Variants in ATP8B4 observed in about 807,000 individuals in gnomAD.
ATP8B4 encodes the protein ATPase phospholipid transporting 8B4 (putative), also known as probable phospholipid-transporting ATPase IM.
ATP8B4 carries 133 observed loss-of-function variants against 145.6 expected under a neutral mutation model. The observed-to-expected ratio is 0.91, with a 90% CI of 0.79 to 1.05. The LOEUF (loss-of-function observed/expected upper bound fraction) is 1.05, where lower values mean the gene tolerates loss of function less well. ATP8B4 is among the 50% of genes least tolerant of loss of function. The pLI is 0.00. For synonymous variants in ATP8B4, 507 were observed against 492.9 expected, an observed-to-expected ratio of 1.03 and a Z score of -0.38; for missense variants, 1,458 against 1,425.2, an observed-to-expected ratio of 1.02 and a Z score of -0.37.
intron 3 of ATP8B4, among the ~76,000 whole-genome samples, chr15:50,053,957 T>C (rs2052384723): frequency 6.6e-6 from 1 of 152,210 alleles, no homozygotes; most frequent in South Asian, 2.1e-4. Context: ...ATTTTTCCAC[T>C]GGCAAAATGG....
chr15:50,122,610 G>A (rs1044440080), upstream of ATP8B4, among the ~76,000 whole-genome samples: 1 of 152,164 alleles, frequency 6.6e-6, no homozygotes, highest in Non-Finnish European at 1.5e-5. Flanking sequence ...AGTCCTTGGT[G>A]TCAGCCTAAA....
chr15:49,876,842 C>T (rs1426097427), intron 24 of ATP8B4: 1 of 441,166 alleles, frequency 2.3e-6, no homozygotes. Flanking sequence ...CCTACACTCT[C>T]CTGCAGGCTG....
intron 1 of ATP8B4, among the ~76,000 whole-genome samples, chr15:50,110,866 G>A (rs1415442104): frequency 6.6e-6 from 1 of 151,964 alleles, no homozygotes; most frequent in Admixed American, 6.5e-5. Context: ...AAAAAGCAGT[G>A]CATATTTGTT....
At chr15:50,112,398 CTCT>C in intron 1 of ATP8B4, among the ~76,000 whole-genome samples, 1 of 152,034 alleles carries the variant, frequency 6.6e-6, no homozygotes, top group Non-Finnish European at 1.5e-5. Context: ...GGTGTGGGTG[CTCT>C]CCAGTTCTCT....
intron 25 of ATP8B4, 68 bp from the exon 26 acceptor site, chr15:49,866,552 T>C (rs1682747911): frequency 7.7e-6 from 12 of 1,568,380 alleles, no homozygotes; most frequent in Non-Finnish European, 1.0e-5. Context: ...TACCTCGTGA[T>C]GTTTCGCGAG....
At chr15:50,060,047 A>G (rs1213958045) in intron 3 of ATP8B4, among the ~76,000 whole-genome samples, 1 of 152,170 alleles carries the variant, frequency 6.6e-6, no homozygotes, top group Non-Finnish European at 1.5e-5. Flanking sequence ...TACCCTCAGT[A>G]AGGAAACTGA....
intron 1 of ATP8B4, among the ~76,000 whole-genome samples, chr15:50,110,878 T>G (rs1475392349): frequency 6.6e-6 from 1 of 151,844 alleles, no homozygotes; most frequent in African/African-American, 2.4e-5. Context: ...ATATTTGTTT[T>G]AAAGATTGAA....
Position 50,097,696 on chromosome 15 carries a change from C to T in ATP8B4, c.28+9243G>A, listed in dbSNP as rs538122604. On this transcript the variant is annotated intron_variant, in intron 2 of 27. Coordinates refer to ENST00000284509, the MANE Select transcript of ATP8B4 (RefSeq NM_024837.4). Reference sequence around the variant, plus strand: ...GGAAATCAGATCCCTATACAAGTCACCTCAGTAAATAGGAAACCCACCTGT... The same window carrying T: ...GGAAATCAGATCCCTATACAAGTCATCTCAGTAAATAGGAAACCCACCTGT... 5.9e-5 allele frequency among the ~76,000 whole-genome samples: 9 copies of T among 152,236 alleles called. No homozygotes were observed. In the East Asian group the frequency reaches 1.4e-3, roughly 23 times the overall value.
intron 3 of ATP8B4, among the ~76,000 whole-genome samples, chr15:50,054,550 G>A (rs939747180): frequency 5.9e-5 from 9 of 152,126 alleles, no homozygotes; most frequent in African/African-American, 2.2e-4. Flanking sequence ...TTGGGAGGCT[G>A]AGGCAGGCGG....
chr15:50,132,733 G>A (rs1294321838), intron 1 of ATP8B4, among the ~76,000 whole-genome samples: 2 of 152,164 alleles, frequency 1.3e-5, no homozygotes, highest in Non-Finnish European at 2.9e-5. Context: ...GTGACAGACT[G>A]GATAAAGAAA....
intron 1 of ATP8B4, among the ~76,000 whole-genome samples, chr15:50,115,584 G>C (rs2057138777): frequency 6.6e-6 from 1 of 151,970 alleles, no homozygotes; most frequent in Non-Finnish European, 1.5e-5. Flanking sequence ...TTGTGAAAGG[G>C]AAGGAAGGTT....
intron 3 of ATP8B4, among the ~76,000 whole-genome samples, chr15:50,051,338 T>C (rs1046154890): frequency 9.9e-5 from 15 of 152,204 alleles, no homozygotes; most frequent in Admixed American, 2.6e-4. Context: ...ACCTCTTTTC[T>C]TTATAAGTTA....
chr15:50,072,965 T>TCC, intron 3 of ATP8B4, among the ~76,000 whole-genome samples: 1 of 35,732 alleles, frequency 2.8e-5, no homozygotes, highest in Admixed American at 3.8e-4. Context: ...TCTCTCTCTC[T>TCC]CTCTCTCTCT....
Position 50,106,950 on chromosome 15 carries a change from T to A in ATP8B4, c.17A>T (p.Lys6Met), listed in dbSNP as rs759901432. MFCSE[K>M]KLREVERIVK... The stretch of plus-strand genomic sequence containing the variant: ...AACTCAAAACTTACCACGCAATTTC[T>A]TTTCACTGCAGAACATTATTATACC... The change falls in exon 2 of 28, where the codon AAG (lysine) becomes ATG (methionine). Residue 6 changes from lysine (K) to methionine (M), a missense_variant. Transcript: ENST00000284509. 6 of 1,597,958 alleles carry A rather than the reference T, an allele frequency of 3.8e-6. No homozygotes were observed. The highest frequency in any genetic ancestry group is 3.5e-5 in the Admixed American group (2 of 57,676).
chr15:49,989,541 G>A (rs2046888911), intron 9 of ATP8B4, among the ~76,000 whole-genome samples: 1 of 152,128 alleles, frequency 6.6e-6, no homozygotes, highest in Non-Finnish European at 1.5e-5. Context: ...CTGACATGGA[G>A]GCAAATACAG....
intron 14 of ATP8B4, among the ~76,000 whole-genome samples, chr15:49,945,845 T>C (rs1215312192): frequency 6.6e-6 from 1 of 152,022 alleles, no homozygotes; most frequent in African/African-American, 2.4e-5. Context: ...AGCAGAAAAA[T>C]ACCTTATCAT....
Position 50,003,274 on chromosome 15 carries a change from A to ATGTGTGTGTGTGTGTGTG in ATP8B4, c.436-1069_436-1052dup, listed in dbSNP as rs10539979. On this transcript the variant is annotated intron_variant, in intron 7 of 27. Transcript: ENST00000284509. Reference sequence around the variant, plus strand: ...TTTGCAACTCAAAAATAGGGTGTGCATGTGTGTGTGTGTGTGTGTGTGTGT... The same window carrying ATGTGTGTGTGTGTGTGTG: ...TTTGCAACTCAAAAATAGGGTGTGCATGTGTGTGTGTGTGTGTGTGTGTGTGTGTGTGTGTGTGTGTGT... 7.1e-5 allele frequency among the ~76,000 whole-genome samples: 10 copies of ATGTGTGTGTGTGTGTGTG among 141,194 alleles called. No homozygotes were observed. In the East Asian group the frequency reaches 8.6e-4, roughly 12 times the overall value. The allele number at this position is 141,194 out of a possible 152,430, so 92.6% of individuals were successfully genotyped here.
Position 49,901,155 on chromosome 15 carries a change from C to T in ATP8B4, c.2226G>A (p.Leu742=). The change falls in exon 21 of 28, where the codon TTG becomes TTA. Residue 742 remains leucine, a synonymous_variant. Transcript: ENST00000284509. ...TTATGGTTTCTTCTACAATAGAATCCAACTCCAGCTGCTGCTTTTTTTCAC... is the reference window on the plus strand; with the variant it reads ...TTATGGTTTCTTCTACAATAGAATCTAACTCCAGCTGCTGCTTTTTTTCAC... The part of the protein sequence containing the change: ...VVCEKKQQLE[L]DSIVEETITG... 1 of 1,613,530 alleles carries T rather than the reference C, an allele frequency of 6.2e-7. No homozygotes were observed. The highest frequency in any genetic ancestry group is 8.5e-7 in the Non-Finnish European group (1 of 1,179,622).
intron 6 of ATP8B4, among the ~76,000 whole-genome samples, chr15:50,032,062 C>T (rs1033510240): frequency 5.3e-5 from 8 of 152,074 alleles, no homozygotes; most frequent in East Asian, 1.9e-4. Context: ...TTCTGGGATA[C>T]GTGTGCAGGT....
Sources: allele counts gnomAD v4.1 joint callset (sites outside exome capture counted in the v4.1 genomes callset), GRCh38; gene constraint gnomAD v4.1.1; transcripts MANE v1.5; gene names NCBI Gene and HGNC (gene_info 2026-07-23, HGNC 2026-07-21).